Variants in GRID1 observed in about 807,000 individuals in gnomAD.
GRID1 encodes glutamate receptor ionotropic, delta-1.
GRID1 carries 28 observed loss-of-function variants against 98.0 expected under a neutral mutation model. That is an observed-to-expected ratio of 0.29 (90% confidence interval 0.21 to 0.39). The LOEUF (loss-of-function observed/expected upper bound fraction) is 0.39. Among genes scored for constraint, GRID1 ranks in the 10% least tolerant of loss-of-function variants. GRID1 has a pLI of 1.00. For synonymous variants in GRID1, 553 were observed against 538.5 expected, an observed-to-expected ratio of 1.03 and a Z score of -0.37; for missense variants, 1,111 against 1,340.5, an observed-to-expected ratio of 0.83 and a Z score of 2.67.
intron 3 of GRID1, among the ~76,000 whole-genome samples, chr10:86,180,215 C>T (rs1845635733): frequency 6.6e-6 from 1 of 152,120 alleles, no homozygotes; most frequent in Admixed American, 6.5e-5. Flanking sequence ...CTAGAGAACA[C>T]CAGGGGTGGG....
intron 8 of GRID1, among the ~76,000 whole-genome samples, chr10:85,786,019 A>G (rs1411838681): frequency 6.6e-6 from 1 of 152,074 alleles, no homozygotes; most frequent in Non-Finnish European, 1.5e-5. Flanking sequence ...ACACATACAC[A>G]TACACATGCA....
chr10:86,128,065 A>G (rs1388016044), intron 4 of GRID1, among the ~76,000 whole-genome samples: 2 of 152,086 alleles, frequency 1.3e-5, no homozygotes, highest in Non-Finnish European at 2.9e-5. Flanking sequence ...TTCTGTGTCC[A>G]TTTGCTCCAA....
intron 13 of GRID1, among the ~76,000 whole-genome samples, chr10:85,620,739 A>G (rs1842848999): frequency 6.6e-6 from 1 of 152,184 alleles, no homozygotes; most frequent in East Asian, 1.9e-4. Context: ...ACATGTACAC[A>G]CATGCCTGTA....
intron 4 of GRID1, among the ~76,000 whole-genome samples, chr10:86,004,431 G>A (rs1842835283): frequency 6.6e-6 from 1 of 152,194 alleles, no homozygotes; most frequent in Non-Finnish European, 1.5e-5. Context: ...CTGTTTCTGT[G>A]AGATGGATGG....
chr10:86,257,135 A>C (rs1179723970), intron 2 of GRID1, among the ~76,000 whole-genome samples: 1 of 152,252 alleles, frequency 6.6e-6, no homozygotes, highest in African/African-American at 2.4e-5. Context: ...AAGCACCTCA[A>C]GAGTCAACAA....
intron 3 of GRID1, among the ~76,000 whole-genome samples, chr10:86,179,517 G>C (rs966275892): frequency 6.6e-6 from 1 of 152,146 alleles, no homozygotes; most frequent in African/African-American, 2.4e-5. Flanking sequence ...ACTTGTCCAA[G>C]GTCACACAAT....
At chr10:86,056,627 T>C (rs988187251) in intron 4 of GRID1, among the ~76,000 whole-genome samples, 23 of 152,196 alleles carry the variant, frequency 1.5e-4, no homozygotes, top group African/African-American at 5.5e-4. Context: ...GGTGTCTCCT[T>C]TACAGCCAAA....
At chr10:86,150,470 A>G (rs1845149412) in intron 3 of GRID1, among the ~76,000 whole-genome samples, 1 of 152,228 alleles carries the variant, frequency 6.6e-6, no homozygotes, top group South Asian at 2.1e-4. Flanking sequence ...TCATTTAAGT[A>G]GAGAAGCAAA....
At chr10:86,301,089 A>G (rs1847679333) in intron 2 of GRID1, among the ~76,000 whole-genome samples, 1 of 152,150 alleles carries the variant, frequency 6.6e-6, no homozygotes, top group Non-Finnish European at 1.5e-5. Flanking sequence ...CCATCCAAGG[A>G]AGGCTAAGGG....
chr10:86,281,233 A>G (rs1847352723), intron 2 of GRID1, among the ~76,000 whole-genome samples: 1 of 152,244 alleles, frequency 6.6e-6, no homozygotes, highest in African/African-American at 2.4e-5. Context: ...ACACTTGGAT[A>G]AAGAGAGGCA....
chr10:86,031,927 T>C (rs79642739), intron 4 of GRID1, among the ~76,000 whole-genome samples: 6,473 of 152,254 alleles, frequency 0.043, 405 homozygotes, highest in African/African-American at 0.14. Context: ...CTACGTCCCA[T>C]TGGTTCACTC....
At position 86,260,988 on chromosome 10, in the gene GRID1, C is replaced by T. The variant is rs778026284; in HGVS notation, c.236-54340G>A. 5.9e-5 allele frequency among the ~76,000 whole-genome samples: 9 copies of T among 152,350 alleles called. No homozygotes were observed. The East Asian group carries it at 7.7e-4, about 13-fold the overall frequency. ...GCCTTCTCCTAGCCTCCTAAACACA[C>T]GTTCCTCAAACCGAAGAAAAAGCTG... On this transcript the variant is annotated intron_variant, in intron 2 of 15. Transcript: ENST00000327946.
chr10:85,889,779 C>T (rs1480360251), intron 5 of GRID1, among the ~76,000 whole-genome samples: 1 of 152,134 alleles, frequency 6.6e-6, no homozygotes, highest in Admixed American at 6.5e-5. Flanking sequence ...AATGATTGTA[C>T]TAATTTACAT....
chr10:85,816,878 C>A (rs1224799158), intron 8 of GRID1, among the ~76,000 whole-genome samples: 1 of 152,108 alleles, frequency 6.6e-6, no homozygotes, highest in Non-Finnish European at 1.5e-5. Flanking sequence ...CTCAAGTAGA[C>A]CCCAGAATCT....
At chr10:85,961,886 G>A (rs1564636374) in intron 4 of GRID1, among the ~76,000 whole-genome samples, 1 of 152,022 alleles carries the variant, frequency 6.6e-6, no homozygotes, top group Non-Finnish European at 1.5e-5. Flanking sequence ...GAGAGGGAAG[G>A]AGGGAAGGAA....
chr10:85,816,616 CTG>C (rs367758971), intron 8 of GRID1, among the ~76,000 whole-genome samples: 201 of 152,268 alleles, frequency 1.3e-3, no homozygotes, highest in African/African-American at 4.5e-3. Context: ...ATACATGACA[CTG>C]TGCATTTGTC....
At chr10:85,824,178 T>TTTTGTTTGTTTGTTTG (rs3057656) in intron 8 of GRID1, among the ~76,000 whole-genome samples, 1 of 151,556 alleles carries the variant, frequency 6.6e-6, no homozygotes, top group African/African-American at 2.4e-5. Context: ...AAAGAGTTGA[T>TTTTGTTTGTTTGTTTG]TTTGTTTGTT....
At chr10:85,777,749 C>T (rs758871010) in intron 8 of GRID1, among the ~76,000 whole-genome samples, 6 of 152,284 alleles carry the variant, frequency 3.9e-5, no homozygotes, top group African/African-American at 7.2e-5. Flanking sequence ...TCCCAGTTTT[C>T]GCAGTGAAAG....
chr10:85,839,243 G>A (rs1181632690), intron 8 of GRID1, among the ~76,000 whole-genome samples: 1 of 151,994 alleles, frequency 6.6e-6, no homozygotes. Flanking sequence ...CACTGAGAGA[G>A]GAAATTAAGA....
Sources: allele counts gnomAD v4.1 joint callset (sites outside exome capture counted in the v4.1 genomes callset), GRCh38; gene constraint gnomAD v4.1.1; transcripts MANE v1.5; gene names NCBI Gene and HGNC (gene_info 2026-07-23, HGNC 2026-07-21).